The following SGCZ variants were observed in gnomAD, a reference collection of about 807,000 sequenced individuals.
SGCZ encodes the protein sarcoglycan zeta.
Under a neutral mutation model 41.3 loss-of-function variants are expected in SGCZ, and 40 were observed. That is an observed-to-expected ratio of 0.97 (90% CI 0.75 to 1.26). The LOEUF (loss-of-function observed/expected upper bound fraction) is 1.26, where lower values mean the gene tolerates loss of function less well. SGCZ is among the 50% of genes most tolerant of loss of function. The pLI, the probability that SGCZ is intolerant of heterozygous loss-of-function variation, is 0.00. For missense variants in SGCZ, 552 were observed against 369.8 expected, an observed-to-expected ratio of 1.49 and a Z score of -4.04; for synonymous variants, 206 against 137.5, an observed-to-expected ratio of 1.50 and a Z score of -3.49.
At chr8:14,439,814 T>C (rs565847530) in intron 2 of SGCZ, among the ~76,000 whole-genome samples, 250 of 152,124 alleles carry the variant, frequency 1.6e-3, no homozygotes, top group African/African-American at 5.9e-3. Flanking sequence ...GAACTTATAT[T>C]ATGCTTAATG....
intron 1 of SGCZ, among the ~76,000 whole-genome samples, chr8:14,729,383 A>G (rs1810159584): frequency 6.6e-6 from 1 of 152,202 alleles, no homozygotes; most frequent in African/African-American, 2.4e-5. Context: ...CATACATTGA[A>G]ACCCTAAACT....
intron 4 of SGCZ, among the ~76,000 whole-genome samples, chr8:14,211,346 G>T (rs1024666048): frequency 6.6e-6 from 1 of 152,056 alleles, no homozygotes; most frequent in Non-Finnish European, 1.5e-5. Context: ...TCAGGTTGCC[G>T]CAGCACCCAG....
intron 1 of SGCZ, among the ~76,000 whole-genome samples, chr8:15,172,365 T>C (rs2117066906): frequency 6.6e-6 from 1 of 151,386 alleles, no homozygotes; most frequent in East Asian, 1.9e-4. Flanking sequence ...TTTCACCGTG[T>C]CAGCCAGGAT....
intron 3 of SGCZ, among the ~76,000 whole-genome samples, chr8:14,313,629 C>T (rs1801616819): frequency 6.6e-6 from 1 of 152,170 alleles, no homozygotes; most frequent in East Asian, 1.9e-4. Context: ...GGCCACCATG[C>T]CTGGCTGGTC....
intron 1 of SGCZ, among the ~76,000 whole-genome samples, chr8:14,767,599 C>G (rs1195064439): frequency 6.6e-6 from 1 of 152,194 alleles, no homozygotes; most frequent in Non-Finnish European, 1.5e-5. Flanking sequence ...TGCTTTCTAG[C>G]AGAAATTTTG....
chr8:14,226,281 C>A (rs184667500), intron 4 of SGCZ, among the ~76,000 whole-genome samples: 2 of 152,180 alleles, frequency 1.3e-5, no homozygotes, highest in East Asian at 1.9e-4. Flanking sequence ...TCGGTGTATA[C>A]TTCTGTGAAT....
intron 4 of SGCZ, among the ~76,000 whole-genome samples, chr8:14,177,673 C>G (rs1392025563): frequency 8.7e-6 from 1 of 115,108 alleles, no homozygotes; most frequent in Non-Finnish European, 1.8e-5. Flanking sequence ...CCACGCCCTG[C>G]TATTTTTTTT....
intron 1 of SGCZ, among the ~76,000 whole-genome samples, chr8:14,781,800 T>C (rs1800596142): frequency 6.6e-6 from 1 of 152,134 alleles, no homozygotes; most frequent in Non-Finnish European, 1.5e-5. Context: ...CTACAACACT[T>C]ACATTAACCT....
intron 1 of SGCZ, among the ~76,000 whole-genome samples, chr8:14,620,446 A>C (rs1452432286): frequency 1.3e-5 from 2 of 152,080 alleles, no homozygotes; most frequent in African/African-American, 2.4e-5. Context: ...AATGGGATCT[A>C]ATTAAACTAA....
intron 1 of SGCZ, among the ~76,000 whole-genome samples, chr8:15,155,958 C>T (rs1228181276): frequency 1.4e-5 from 2 of 148,104 alleles, no homozygotes; most frequent in Non-Finnish European, 3.0e-5. Flanking sequence ...CTCGAGAGGC[C>T]GAAGCAGGAG....
rs11993620 is a variant in SGCZ at position 14,495,859 on chromosome 8, A to G, written c.234+58873T>C. Among the ~76,000 whole-genome samples the G allele has an allele frequency of 8.4e-3, 1,280 of 152,252 alleles. 20 individuals are homozygous for G. Among genetic ancestry groups the G allele is most frequent in the African/African-American group, 0.029 (1,217 of 41,558 alleles). On this transcript the variant is annotated intron_variant, in intron 2 of 7. Coordinates refer to ENST00000382080, the MANE Select transcript of SGCZ (RefSeq NM_139167.4). The stretch of plus-strand genomic sequence containing the variant: ...TCAGGGGACTAAATTTCAGAGAAAA[A>G]CAAGCCCTTCCTGGGTGATCACAGG...
At chr8:14,657,831 T>C (rs1362839350) in intron 1 of SGCZ, among the ~76,000 whole-genome samples, 1 of 152,166 alleles carries the variant, frequency 6.6e-6, no homozygotes, top group Admixed American at 6.6e-5. Context: ...TCAAAATTAC[T>C]TTTAAAAAAC....
At chr8:14,349,133 T>C (rs151236321) in intron 2 of SGCZ, among the ~76,000 whole-genome samples, 1 of 152,246 alleles carries the variant, frequency 6.6e-6, no homozygotes, top group East Asian at 1.9e-4. Context: ...TTATTTAACA[T>C]TCGTATGTTG....
intron 2 of SGCZ, among the ~76,000 whole-genome samples, chr8:14,525,002 A>C (rs1802896215): frequency 6.6e-6 from 1 of 152,048 alleles, no homozygotes; most frequent in Admixed American, 6.6e-5. Flanking sequence ...CACTATTCTG[A>C]CTAGAGGTTT....
intron 2 of SGCZ, among the ~76,000 whole-genome samples, chr8:14,458,762 C>G (rs1800819716): frequency 6.6e-6 from 1 of 152,068 alleles, no homozygotes; most frequent in South Asian, 2.1e-4. Flanking sequence ...CTAAAAGGGC[C>G]TAGTAGCAAT....
intron 4 of SGCZ, among the ~76,000 whole-genome samples, chr8:14,166,826 G>C (rs935840943): frequency 1.3e-5 from 2 of 152,098 alleles, no homozygotes; most frequent in African/African-American, 4.8e-5. Flanking sequence ...GTGAAGTGAG[G>C]TGAAACCTTA....
rs112989424 is a variant in SGCZ, at chr8:15,055,126, C to T, written c.39+182459G>A. ...GGGCTCTTCATAATATGGTTCCTGC[C>T]TTTCCAATCCACACTCAGACTCCAG... On this transcript the variant is annotated intron_variant, in intron 1 of 7. Coordinates refer to ENST00000382080, the MANE Select transcript of SGCZ (RefSeq NM_139167.4). Among the ~76,000 whole-genome samples, 287 of 152,216 alleles carry T rather than the reference C, an allele frequency of 1.9e-3. 2 individuals carry two copies. The highest frequency in any genetic ancestry group is 6.6e-3 in the African/African-American group (273 of 41,530).
intron 1 of SGCZ, among the ~76,000 whole-genome samples, chr8:14,785,864 G>A (rs562034983): frequency 1.3e-4 from 19 of 150,936 alleles, no homozygotes; most frequent in African/African-American, 3.9e-4. Context: ...TTTCTCCCAA[G>A]GCTAATTGTG....
At chr8:15,128,970 T>G (rs548693752) in intron 1 of SGCZ, among the ~76,000 whole-genome samples, 1 of 152,326 alleles carries the variant, frequency 6.6e-6, no homozygotes, top group South Asian at 2.1e-4. Context: ...CAGCCATGTT[T>G]ACCTCTCCCT....
Sources: gnomAD v4.1 joint callset for allele counts (sites outside exome capture counted in the v4.1 genomes callset) on GRCh38, gnomAD v4.1.1 for gene constraint, MANE v1.5 for transcripts, NCBI Gene and HGNC (gene_info 2026-07-23, HGNC 2026-07-21) for gene names.